Variants in HIPK2 observed in about 807,000 individuals in gnomAD.
HIPK2 encodes homeodomain interacting protein kinase 2, also known as homeodomain-interacting protein kinase 2.
In HIPK2, 27 loss-of-function variants were observed where a neutral mutation model predicts 113.7. The observed-to-expected ratio is 0.24, with a 90% CI of 0.17 to 0.33. The LOEUF (loss-of-function observed/expected upper bound fraction) is 0.33, where lower values mean the gene tolerates loss of function less well. Among genes scored for constraint, HIPK2 ranks in the 10% least tolerant of loss-of-function variants. The probability of loss-of-function intolerance (pLI) is 1.00; values close to 1 mark genes in which losing one functional copy is unlikely to be tolerated. For missense variants in HIPK2, 1,257 were observed against 1,588.0 expected (o/e 0.79, Z 3.54); for synonymous variants, 631 against 642.2 (o/e 0.98, Z 0.26).
intron 1 of HIPK2, among the ~76,000 whole-genome samples, chr7:139,765,122 C>T (rs1004784978): frequency 4.0e-5 from 6 of 148,892 alleles, no homozygotes; most frequent in South Asian, 2.1e-4. Flanking sequence ...GATGACAGAG[C>T]GAGACTCTGT....
chr7:139,758,674 G>A (rs1796401388), intron 1 of HIPK2, among the ~76,000 whole-genome samples: 1 of 152,134 alleles, frequency 6.6e-6, no homozygotes, highest in African/African-American at 2.4e-5. Flanking sequence ...GATCCAGATT[G>A]TGCGCTCATT....
At chr7:139,695,698 GGA>G (rs1794542356) in intron 2 of HIPK2, among the ~76,000 whole-genome samples, 1 of 151,856 alleles carries the variant, frequency 6.6e-6, no homozygotes, top group Non-Finnish European at 1.5e-5. Context: ...TAGGAAAGGA[GGA>G]TTTACAATAG....
chr7:139,632,801 G>C (rs1310598893), intron 2 of HIPK2, among the ~76,000 whole-genome samples: 1 of 152,126 alleles, frequency 6.6e-6, no homozygotes, highest in East Asian at 1.9e-4. Context: ...CTCAAGGCCA[G>C]GCACGGTGGC....
At chr7:139,597,440 T>C (rs1043785723) in intron 11 of HIPK2, among the ~76,000 whole-genome samples, 4 of 152,188 alleles carry the variant, frequency 2.6e-5, no homozygotes, top group Non-Finnish European at 4.4e-5. Flanking sequence ...GAAGAATTGG[T>C]GTTTGCCACA....
rs867200065 is a variant in HIPK2, at chr7:139,668,597, C to T, written c.1104-36872G>A. ...AAAAAAAAAAAAAAGGTATGATTTA[C>T]TTTTCATTTAACTGGGTGTCTGGTG... On this transcript the variant is annotated intron_variant, in intron 2 of 14. Transcript: ENST00000406875. Among the ~76,000 whole-genome samples, 224 of 151,342 alleles carry T rather than the reference C, an allele frequency of 1.5e-3. 2 individuals are homozygous for T. Among genetic ancestry groups the T allele is most frequent in the Middle Eastern group, 3.4e-3 (1 of 290 alleles).
At chr7:139,766,125 T>G (rs1796549082) in intron 1 of HIPK2, among the ~76,000 whole-genome samples, 1 of 152,236 alleles carries the variant, frequency 6.6e-6, no homozygotes, top group South Asian at 2.1e-4. Context: ...GGACTCAGAC[T>G]GCCTGGAGTC....
intron 1 of HIPK2, among the ~76,000 whole-genome samples, chr7:139,749,479 C>T (rs1482283352): frequency 6.6e-6 from 1 of 151,704 alleles, no homozygotes; most frequent in Non-Finnish European, 1.5e-5. Flanking sequence ...ATTTGTCTCT[C>T]TATGCCTCAG....
chr7:139,731,186 AT>A (rs1378115071), intron 1 of HIPK2, among the ~76,000 whole-genome samples: 1 of 152,222 alleles, frequency 6.6e-6, no homozygotes, highest in East Asian at 1.9e-4. Flanking sequence ...ATGATAAAGT[AT>A]TTATAACAAT....
intron 5 of HIPK2, among the ~76,000 whole-genome samples, chr7:139,627,170 G>A (rs974630997): frequency 3.6e-4 from 55 of 152,180 alleles, no homozygotes; most frequent in African/African-American, 1.3e-3. Flanking sequence ...ATAACAATGG[G>A]AGTGTTAATA....
chr7:139,693,330 A>G (rs1458791553), intron 2 of HIPK2, among the ~76,000 whole-genome samples: 1 of 152,220 alleles, frequency 6.6e-6, no homozygotes, highest in African/African-American at 2.4e-5. Flanking sequence ...TTTTAACTGG[A>G]GCAAAGAGAA....
intron 9 of HIPK2, among the ~76,000 whole-genome samples, chr7:139,607,465 A>G (rs1310699912): frequency 1.3e-5 from 2 of 152,152 alleles, no homozygotes; most frequent in East Asian, 1.9e-4. Context: ...AAAACAACAT[A>G]CTGAGATCAG....
intron 2 of HIPK2, among the ~76,000 whole-genome samples, chr7:139,674,978 T>A (rs1328156698): frequency 6.6e-6 from 1 of 152,146 alleles, no homozygotes; most frequent in East Asian, 1.9e-4. Flanking sequence ...CATTTGCCTT[T>A]GTCATCGTAA....
chr7:139,600,604 G>A lies in HIPK2; in HGVS notation c.2256-8C>T, dbSNP rs1219717602. On this transcript the variant is annotated splice_polypyrimidine_tract_variant and splice_region_variant and intron_variant, in intron 10 of 14. Transcript: ENST00000406875. Reference sequence around the variant, plus strand: ...CCGTGAGCATGCGTATTTCTGAAAGGCAACCGGGACAACAAGGTGCCTTAG... The same window carrying A: ...CCGTGAGCATGCGTATTTCTGAAAGACAACCGGGACAACAAGGTGCCTTAG... The A allele has an allele frequency of 6.2e-7, 1 of 1,613,348 alleles. No homozygotes were observed. Among genetic ancestry groups the A allele is most frequent in the Non-Finnish European group, 8.5e-7 (1 of 1,179,406 alleles).
chr7:139,739,718 C>T (rs1796043885), intron 1 of HIPK2, among the ~76,000 whole-genome samples: 1 of 152,162 alleles, frequency 6.6e-6, no homozygotes, highest in Non-Finnish European at 1.5e-5. Context: ...CTCCCCATTC[C>T]CCCTTCCCAC....
chr7:139,659,997 G>A (rs143247320), intron 2 of HIPK2, among the ~76,000 whole-genome samples: 10 of 152,250 alleles, frequency 6.6e-5, no homozygotes, highest in South Asian at 2.1e-4. Context: ...TTTGAAATTC[G>A]GAATTGTTCC....
intron 2 of HIPK2, among the ~76,000 whole-genome samples, chr7:139,692,280 C>T (rs958244284): frequency 2.0e-5 from 3 of 152,150 alleles, no homozygotes; most frequent in Non-Finnish European, 4.4e-5. Context: ...TAACCCAGAA[C>T]CTGGAAGTGA....
chr7:139,624,944 C>A (rs753897730), intron 6 of HIPK2, among the ~76,000 whole-genome samples: 1 of 152,202 alleles, frequency 6.6e-6, no homozygotes, highest in Non-Finnish European at 1.5e-5. Flanking sequence ...GCTCTGCCAC[C>A]TTCTGCTCCA....
chr7:139,633,042 G>A (rs1010403628), intron 2 of HIPK2, among the ~76,000 whole-genome samples: 1 of 141,944 alleles, frequency 7.0e-6, no homozygotes, highest in Non-Finnish European at 1.5e-5. Flanking sequence ...GTTGCAGTGA[G>A]CTGAGATTGC....
At chr7:139,680,693 T>A (rs1437279499) in intron 2 of HIPK2, among the ~76,000 whole-genome samples, 1 of 152,260 alleles carries the variant, frequency 6.6e-6, no homozygotes, top group African/African-American at 2.4e-5. Flanking sequence ...ACCTTTTTCA[T>A]GTCTGTGGCA....
Sources: allele counts gnomAD v4.1 joint callset (sites outside exome capture counted in the v4.1 genomes callset), GRCh38; gene constraint gnomAD v4.1.1; transcripts MANE v1.5; gene names NCBI Gene and HGNC (gene_info 2026-07-23, HGNC 2026-07-21).